The following CHSY1 variants were observed in gnomAD, a reference collection of about 807,000 sequenced individuals.
CHSY1 encodes the protein chondroitin sulfate synthase 1, also known as N-acetylgalactosaminyl-proteoglycan 3-beta-glucuronosyltransferase 1.
In CHSY1, 13 loss-of-function variants were observed where a neutral mutation model predicts 59.8. The ratio of observed to expected loss-of-function variants is 0.22; its 90% CI spans 0.14 to 0.35. The LOEUF is 0.35. Among genes scored for constraint, CHSY1 ranks in the 10% least tolerant of loss-of-function variants. CHSY1 has a pLI of 1.00. For missense variants in CHSY1, 947 were observed against 1,030.6 expected (o/e 0.92, Z 1.11); for synonymous variants, 459 against 401.2 (o/e 1.14, Z -1.72).
rs776861580 is a variant in CHSY1, at chr15:101,251,121, G to C, written c.320+16C>G. 1.3e-6 allele frequency: 2 copies of C among 1,563,914 alleles called. No homozygotes were observed. The highest frequency in any genetic ancestry group is 2.3e-5 in the East Asian group (1 of 42,732). ...TGCCGGACGCAGGAGGCGGTGCCCG[G>C]GGAGCAGGGGCTCACCTGTAGGCGG... On this transcript the variant is annotated intron_variant, in intron 1 of 2. Transcript: ENST00000254190.
In CHSY1 at chr15:101,177,113, C is replaced by T. The variant is rs2038200703; in HGVS notation, c.*275G>A. 2.9e-6 allele frequency: 1 copy of T among 339,050 alleles called. No individual in the cohort carries two copies. Among genetic ancestry groups the T allele is most frequent in the South Asian group, 4.7e-5 (1 of 21,234 alleles). 21.0% of individuals were successfully genotyped at this position (339,050 alleles called of 1,614,324 possible). On this transcript the variant is annotated 3_prime_UTR_variant, in exon 3 of 3. Transcript: ENST00000254190. Reference sequence around the variant, plus strand: ...GCCATAGGACTGGAGCAAAGGGTCTCAAAAGAAAACATTTTTTTAAAAAAG... The same window carrying T: ...GCCATAGGACTGGAGCAAAGGGTCTTAAAAGAAAACATTTTTTTAAAAAAG...
At chr15:101,197,777 T>C (rs1434348069) in intron 2 of CHSY1, among the ~76,000 whole-genome samples, 1 of 152,222 alleles carries the variant, frequency 6.6e-6, no homozygotes, top group Non-Finnish European at 1.5e-5. Context: ...TAGAAGCCTA[T>C]TTGAATCTCA....
In CHSY1 at chr15:101,235,478, G is replaced by A. The variant is rs773444662; in HGVS notation, c.420C>T (p.Asp140=). The A allele has an allele frequency of 4.5e-5, 73 of 1,613,956 alleles. No individual in the cohort carries two copies. The highest frequency in any genetic ancestry group is 5.8e-5 in the Non-Finnish European group (69 of 1,180,004). The change falls in exon 2 of 3, where the codon GAC becomes GAT. Residue 140 remains aspartate (D), a synonymous_variant. Transcript: ENST00000254190. ...ACTTCTTCTGGGGCGGGTAGGAGTC[G>A]TCCACACCCCGTAGTGGCACTACTG... ...PIPVVPLRGV[D]DSYPPQKKSF...
chr15:101,186,913 T>C (rs1268745701), intron 2 of CHSY1: 1 of 152,234 alleles, frequency 6.6e-6, no homozygotes, highest in Non-Finnish European at 1.5e-5. Context: ...TCAAAGATCT[T>C]ATGTGACCAT....
intron 2 of CHSY1, among the ~76,000 whole-genome samples, chr15:101,209,159 A>G (rs1444862983): frequency 6.6e-6 from 1 of 152,186 alleles, no homozygotes; most frequent in Non-Finnish European, 1.5e-5. Context: ...TAAATGACCA[A>G]AGTTAATACT....
chr15:101,205,380 T>C (rs1002034998), intron 2 of CHSY1, among the ~76,000 whole-genome samples: 1 of 152,200 alleles, frequency 6.6e-6, no homozygotes, highest in Non-Finnish European at 1.5e-5. Flanking sequence ...TTCAGTTGTT[T>C]AAGAAAAAGC....
chr15:101,250,031 T>A (rs1384852413), intron 1 of CHSY1, among the ~76,000 whole-genome samples: 1 of 152,182 alleles, frequency 6.6e-6, no homozygotes, highest in Non-Finnish European at 1.5e-5. Flanking sequence ...CCATATATGC[T>A]TTTCCCCTCA....
intron 2 of CHSY1, among the ~76,000 whole-genome samples, chr15:101,193,770 G>A (rs1326519769): frequency 7.2e-5 from 11 of 152,198 alleles, no homozygotes; most frequent in East Asian, 1.9e-4. Context: ...TCCTGGCACC[G>A]AGGAAGACAC....
intron 2 of CHSY1, among the ~76,000 whole-genome samples, chr15:101,234,475 T>C (rs1046191152): frequency 1.3e-5 from 2 of 152,212 alleles, no homozygotes; most frequent in African/African-American, 4.8e-5. Context: ...GACAAGATGA[T>C]TTTCTGGATA....
At chr15:101,230,813 C>A (rs953035126) in intron 2 of CHSY1, among the ~76,000 whole-genome samples, 7 of 152,158 alleles carry the variant, frequency 4.6e-5, no homozygotes, top group Admixed American at 4.6e-4. Context: ...TTCTTTTCAA[C>A]TGGTTCATGA....
chr15:101,238,408 A>C (rs527799962), intron 1 of CHSY1, among the ~76,000 whole-genome samples: 11 of 152,230 alleles, frequency 7.2e-5, no homozygotes, highest in Admixed American at 2.6e-4. Flanking sequence ...CTTCGAATGT[A>C]TCTCTTTCAA....
intron 2 of CHSY1, among the ~76,000 whole-genome samples, chr15:101,206,786 G>A (rs925535833): frequency 2.0e-5 from 3 of 152,136 alleles, no homozygotes; most frequent in African/African-American, 7.2e-5. Flanking sequence ...TATTCCCAGG[G>A]TTTTGGGGCA....
At chr15:101,239,753 T>C (rs866291357) in intron 1 of CHSY1, among the ~76,000 whole-genome samples, 1 of 152,348 alleles carries the variant, frequency 6.6e-6, no homozygotes, top group South Asian at 2.1e-4. Context: ...AATCCTCTTT[T>C]ACTATCAACT....
At chr15:101,241,981 A>C (rs185240137) in intron 1 of CHSY1, among the ~76,000 whole-genome samples, 1 of 152,316 alleles carries the variant, frequency 6.6e-6, no homozygotes, top group Admixed American at 6.5e-5. Flanking sequence ...ATAATACCTA[A>C]TACAATGTAA....
intron 2 of CHSY1, among the ~76,000 whole-genome samples, chr15:101,226,076 G>C (rs747011435): frequency 7.9e-5 from 12 of 152,232 alleles, no homozygotes; most frequent in Admixed American, 5.9e-4. Context: ...ATCCATTTTA[G>C]GTAAACTATG....
chr15:101,193,837 T>G (rs999802495), intron 2 of CHSY1, among the ~76,000 whole-genome samples: 1 of 152,238 alleles, frequency 6.6e-6, no homozygotes, highest in Non-Finnish European at 1.5e-5. Flanking sequence ...CGCTCCTTCC[T>G]TGCCTGACAA....
rs145301553 is a variant in CHSY1 at position 101,220,855 on chromosome 15, C to T, written c.816+14227G>A. Among the ~76,000 whole-genome samples, 24 of 152,318 alleles carry T rather than the reference C, an allele frequency of 1.6e-4. No homozygotes were observed. The South Asian group carries it at 2.5e-3, about 16-fold the overall frequency. On this transcript the variant is annotated intron_variant, in intron 2 of 2. Transcript: ENST00000254190. ...TTCCCTCTGTTTGAACTGCTCAAAA[C>T]GTCCTTTCCCAGATATGACCATGGT...
In CHSY1 at chr15:101,177,881, T is replaced by C. The variant is rs1425191377; in HGVS notation, c.1916A>G (p.Glu639Gly). The C allele has an allele frequency of 6.2e-7, 1 of 1,614,230 alleles. No individual in the cohort carries two copies. The highest frequency in any genetic ancestry group is 8.5e-7 in the Non-Finnish European group (1 of 1,180,034). Reference protein sequence around the residue: ...FCDVDLVFTTEFLQRCRANTV... With the variant: ...FCDVDLVFTTGFLQRCRANTV... ...ATTTGCTCGACATCGCTGAAGGAAT[T>C]CTGTAGTAAACACGAGGTCGACGTC... The change falls in exon 3 of 3, where the codon GAA becomes GGA. Residue 639 changes from glutamate to glycine, a missense_variant. By Grantham distance (98) the Glu-to-Gly change is moderately conservative. Transcript: ENST00000254190.
Position 101,200,851 on chromosome 15 carries a change from T to C in CHSY1, c.817-21871A>G, listed in dbSNP as rs570850522. ...TTCGACCCACCCCAACTGCTCTGCA[T>C]ACCCCTTAGGTCTCCTCACATTCCA... On this transcript the variant is annotated intron_variant, in intron 2 of 2. Coordinates refer to ENST00000254190, the MANE Select transcript of CHSY1 (RefSeq NM_014918.5). Among the ~76,000 whole-genome samples the C allele has an allele frequency of 2.2e-4, 34 of 152,264 alleles. 1 individual carries two copies. The highest frequency in any genetic ancestry group is 7.9e-4 in the African/African-American group (33 of 41,538).
Sources: gnomAD v4.1 joint callset for allele counts (sites outside exome capture counted in the v4.1 genomes callset) on GRCh38, gnomAD v4.1.1 for gene constraint, MANE v1.5 for transcripts, NCBI Gene and HGNC (gene_info 2026-07-23, HGNC 2026-07-21) for gene names.